Variants in TSGA10IP observed in about 807,000 individuals in gnomAD.
TSGA10IP encodes the protein testis specific 10 interacting protein.
TSGA10IP carries 64 observed loss-of-function variants against 63.2 expected under a neutral mutation model. That is an observed-to-expected ratio of 1.01 (90% CI 0.83 to 1.25). The LOEUF is 1.25. Among genes scored for constraint, TSGA10IP ranks in the 50% most tolerant of loss-of-function variants. The probability of loss-of-function intolerance (pLI) is 0.00; values close to 1 mark genes in which losing one functional copy is unlikely to be tolerated. For missense variants in TSGA10IP, 681 were observed against 710.1 expected (o/e 0.96, Z 0.47); for synonymous variants, 316 against 298.3 (o/e 1.06, Z -0.61).
chr11:65,947,539 C>T, exon 3 of TSGA10IP: 1 of 1,613,742 alleles, frequency 6.2e-7, no homozygotes, highest in Non-Finnish European at 8.5e-7. Context: ...CCCAGCGCCC[C>T]AGGAGGGGGT....
chr11:65,959,016 C>G, intron 6 of TSGA10IP, 34 bp downstream of exon 6: 1 of 1,607,230 alleles, frequency 6.2e-7, no homozygotes, highest in Non-Finnish European at 8.5e-7. Flanking sequence ...ACATAGCTGC[C>G]CCCTGTGAAG....
rs550929344 is a variant in TSGA10IP at position 65,959,644 on chromosome 11, C to T, written c.1548-173C>T. 1.9e-3 allele frequency among the ~76,000 whole-genome samples: 285 copies of T among 152,276 alleles called. 1 individual carries two copies. The highest frequency in any genetic ancestry group is 6.3e-3 in the African/African-American group (262 of 41,550). ...CTTAGAATAACCTGGTACAGAGCAGCGATTATGAAGCCCACTTGACAATAA... is the reference window on the plus strand; with the variant it reads ...CTTAGAATAACCTGGTACAGAGCAGTGATTATGAAGCCCACTTGACAATAA... On this transcript the variant is annotated intron_variant, in intron 7 of 7. Transcript: ENST00000532620.
In TSGA10IP at chr11:65,953,626, GGC is replaced by G. The variant is rs774522756; in HGVS notation, c.1213_1214del (p.Arg405GlyfsTer45). On this transcript the variant is annotated frameshift_variant, in exon 5 of 8. Coordinates refer to ENST00000532620, the Ensembl canonical transcript of TSGA10IP. LOFTEE classifies it high-confidence loss of function. ...GAGGAGCGGCAGCAGGCCGAGCTGC[GGC>G]GGGCCCGGACACAGCATGTACAGCG... is the stretch of plus-strand genomic sequence containing the variant. 6.3e-7 allele frequency: 1 copy of G among 1,586,650 alleles called. No homozygotes were observed. Among genetic ancestry groups the G allele is most frequent in the African/African-American group, 1.4e-5 (1 of 72,946 alleles).
exon 3 of TSGA10IP, chr11:65,947,763 A>G: frequency 2.5e-6 from 4 of 1,586,880 alleles, no homozygotes; most frequent in Non-Finnish European, 3.4e-6. Context: ...ACAAGGGCCA[A>G]GGAGCTGCAG....
At chr11:65,952,099 C>T (rs1228217349) in intron 4 of TSGA10IP, among the ~76,000 whole-genome samples, 2 of 152,150 alleles carry the variant, frequency 1.3e-5, no homozygotes, top group Non-Finnish European at 2.9e-5. Context: ...AATGATCTGC[C>T]CGCCTTGGCC....
intron 4 of TSGA10IP, among the ~76,000 whole-genome samples, chr11:65,949,622 G>C (rs1369043291): frequency 6.6e-6 from 1 of 151,956 alleles, no homozygotes; most frequent in East Asian, 1.9e-4. Context: ...TTACTATGTT[G>C]GCCAGGCTGG....
intron 1 of TSGA10IP, 49 bp downstream of exon 1, chr11:65,945,871 G>T: frequency 6.3e-7 from 1 of 1,596,140 alleles, no homozygotes; most frequent in Non-Finnish European, 8.5e-7. Flanking sequence ...AGCCAGGTGG[G>T]TCAGGGAGGC....
chr11:65,947,080 G>T, intron 2 of TSGA10IP, 30 bp from the exon 3 acceptor site: 1 of 1,608,192 alleles, frequency 6.2e-7, no homozygotes. Flanking sequence ...GGCTGGCGCC[G>T]ACCCTGACCC....
At chr11:65,952,726 C>T (rs1854962045) in intron 4 of TSGA10IP, among the ~76,000 whole-genome samples, 2 of 151,284 alleles carry the variant, frequency 1.3e-5, no homozygotes, top group African/African-American at 2.4e-5. Flanking sequence ...TGTATATATA[C>T]CATGTTGCTC....
At chr11:65,959,819 G>A in exon 8 of TSGA10IP, 1 of 1,557,554 alleles carries the variant, frequency 6.4e-7, no homozygotes, top group Admixed American at 1.9e-5. Flanking sequence ...TCTTGAAGGA[G>A]CCACAGGTCA....
intron 5 of TSGA10IP, 111 bp from the exon 6 acceptor site, chr11:65,958,772 G>A: frequency 1.2e-6 from 1 of 820,944 alleles, no homozygotes; most frequent in Non-Finnish European, 1.9e-6. Flanking sequence ...CTTTGTAAAG[G>A]TGAGGGTGAG....
At chr11:65,946,304 C>T (rs1854831678) in intron 1 of TSGA10IP, among the ~76,000 whole-genome samples, 1 of 152,142 alleles carries the variant, frequency 6.6e-6, no homozygotes, top group South Asian at 2.1e-4. Context: ...GTACCGGCCT[C>T]CTAGGGTCCT....
rs566306362 is a variant in TSGA10IP, at chr11:65,959,807, T to C, written c.1548-10T>C. ...CTGCAGAGTCAGGGGCCTCTATCTG[T>C]GTCTTGAAGGAGCCACAGGTCAATG... On this transcript the variant is annotated splice_polypyrimidine_tract_variant and intron_variant, in intron 7 of 7. Transcript: ENST00000532620. 2.3e-4 allele frequency: 349 copies of C among 1,550,980 alleles called. No individual in the cohort carries two copies. In the South Asian group the frequency reaches 3.9e-3, roughly 17 times the overall value.
At chr11:65,952,293 A>G (rs1210912164) in intron 4 of TSGA10IP, among the ~76,000 whole-genome samples, 1 of 152,050 alleles carries the variant, frequency 6.6e-6, no homozygotes, top group East Asian at 1.9e-4. Flanking sequence ...GATTGTTGCC[A>G]TTGCTGTGCA....
intron 3 of TSGA10IP, 74 bp from the exon 4 acceptor site, chr11:65,947,927 C>T: frequency 6.6e-7 from 1 of 1,519,836 alleles, no homozygotes; most frequent in South Asian, 1.3e-5. Flanking sequence ...GGGCTGTGCT[C>T]TGGGTGCTGG....
Position 65,945,563 on chromosome 11 carries a change from C to A in TSGA10IP, c.-113C>A. The A allele has an allele frequency of 3.2e-6, 4 of 1,244,202 alleles. No homozygotes were observed. The highest frequency in any genetic ancestry group is 2.9e-5 in the South Asian group (2 of 69,052). The allele number at this position is 1,244,202 out of a possible 1,614,324, so 77.1% of individuals were successfully genotyped here. A position where few individuals can be genotyped will look rare whatever the true frequency, so the allele number is the denominator to read the frequency against. ...AAGGAGATTGGCCTCACATACCCCA[C>A]TGACCCCTTCCTAGCATGCTTTTTG... On this transcript the variant is annotated 5_prime_UTR_variant, in exon 1 of 8. In the 5' UTR this introduces an upstream ATG that the reference lacks. Coordinates refer to ENST00000532620, the Ensembl canonical transcript of TSGA10IP.
chr11:65,953,478 GC>G, intron 4 of TSGA10IP, 88 bp from the exon 5 acceptor site: 3 of 1,454,228 alleles, frequency 2.1e-6, no homozygotes, highest in Non-Finnish European at 1.8e-6. Context: ...CTCCCCACAG[GC>G]TTCCATATTC....
At chr11:65,945,751 G>C (rs371012781) in exon 1 of TSGA10IP, 3 of 1,613,098 alleles carry the variant, frequency 1.9e-6, no homozygotes, top group African/African-American at 1.3e-5. Flanking sequence ...AGGGCAGGAC[G>C]TGCGGCTCCA....
At chr11:65,950,216 AC>A (rs933743272) in intron 4 of TSGA10IP, among the ~76,000 whole-genome samples, 1 of 151,876 alleles carries the variant, frequency 6.6e-6, no homozygotes, top group African/African-American at 2.4e-5. Context: ...TTTTAAGTAT[AC>A]AATACATTGC....
Sources: allele counts gnomAD v4.1 joint callset (sites outside exome capture counted in the v4.1 genomes callset), GRCh38; gene constraint gnomAD v4.1.1; transcripts MANE v1.5; gene names NCBI Gene and HGNC (gene_info 2026-07-23, HGNC 2026-07-21).